The following SPAG16 variants were observed in gnomAD, a reference collection of about 807,000 sequenced individuals.
The protein encoded by SPAG16 is sperm-associated antigen 16 protein.
SPAG16 carries 86 observed loss-of-function variants against 80.4 expected under a neutral mutation model. That is an observed-to-expected ratio of 1.07 (90% confidence interval 0.90 to 1.28). SPAG16 has a LOEUF of 1.28. Among genes scored for constraint, SPAG16 ranks in the 50% most tolerant of loss-of-function variants. The pLI is 0.00. For missense variants in SPAG16, 870 were observed against 765.3 expected (o/e 1.14, Z -1.61); for synonymous variants, 294 against 265.9 (o/e 1.11, Z -1.03).
intron 9 of SPAG16, among the ~76,000 whole-genome samples, chr2:213,437,101 C>T (rs957823249): frequency 6.6e-6 from 1 of 152,068 alleles, no homozygotes; most frequent in African/African-American, 2.4e-5. Flanking sequence ...TTAGCAGAGA[C>T]AGGGTTTCAC....
intron 9 of SPAG16, among the ~76,000 whole-genome samples, chr2:213,389,860 G>A (rs182593537): frequency 7.9e-5 from 12 of 152,254 alleles, no homozygotes; most frequent in African/African-American, 2.2e-4. Context: ...ATTACCATAT[G>A]ATCTCACAGT....
intron 10 of SPAG16, among the ~76,000 whole-genome samples, chr2:213,794,515 C>T (rs1003382409): frequency 6.6e-6 from 1 of 151,906 alleles, no homozygotes; most frequent in African/African-American, 2.4e-5. Context: ...TTTCCTTTCC[C>T]TTATGTTGAT....
intron 15 of SPAG16, among the ~76,000 whole-genome samples, chr2:214,175,237 A>G (rs1486005053): frequency 1.1e-5 from 1 of 92,926 alleles, no homozygotes; most frequent in Non-Finnish European, 2.4e-5. Context: ...ATATATATAT[A>G]AAGAAATGTA....
intron 15 of SPAG16, among the ~76,000 whole-genome samples, chr2:214,267,443 A>G (rs1440555584): frequency 6.6e-6 from 1 of 151,810 alleles, no homozygotes; most frequent in Non-Finnish European, 1.5e-5. Flanking sequence ...GGATATTCAT[A>G]TACAGAAGAA....
At chr2:213,913,268 A>T (rs140415689) in intron 11 of SPAG16, among the ~76,000 whole-genome samples, 165 of 152,094 alleles carry the variant, frequency 1.1e-3, no homozygotes, top group African/African-American at 3.6e-3. Flanking sequence ...CCCACATATT[A>T]TTTATCCATG....
intron 12 of SPAG16, among the ~76,000 whole-genome samples, chr2:213,960,993 C>CA (rs1287475232): frequency 7.2e-5 from 11 of 152,134 alleles, no homozygotes; most frequent in African/African-American, 2.4e-4. Context: ...AAGCTACGGA[C>CA]AAGCTGCTCC....
intron 15 of SPAG16, among the ~76,000 whole-genome samples, chr2:214,247,066 C>A (rs190631247): frequency 1.1e-4 from 16 of 152,120 alleles, no homozygotes; most frequent in Non-Finnish European, 1.3e-4. Flanking sequence ...GAGTAAACCA[C>A]TTGTAAATTG....
At chr2:213,465,062 A>G (rs938165203) in intron 9 of SPAG16, among the ~76,000 whole-genome samples, 9 of 152,050 alleles carry the variant, frequency 5.9e-5, no homozygotes, top group African/African-American at 1.7e-4. Flanking sequence ...AATTTCATCT[A>G]TCTCCTTTTG....
At chr2:214,290,240 T>C (rs1263409562) in intron 15 of SPAG16, among the ~76,000 whole-genome samples, 1 of 152,188 alleles carries the variant, frequency 6.6e-6, no homozygotes, top group Non-Finnish European at 1.5e-5. Flanking sequence ...TGATCTTTTG[T>C]ATTTTGTTGG....
At chr2:213,866,504 G>T (rs909266998) in intron 11 of SPAG16, among the ~76,000 whole-genome samples, 15 of 152,152 alleles carry the variant, frequency 9.9e-5, no homozygotes, top group African/African-American at 3.4e-4. Flanking sequence ...CATAAATCTA[G>T]CAACTATACC....
At chr2:213,591,501 G>T (rs138920439) in intron 10 of SPAG16, among the ~76,000 whole-genome samples, 2 of 152,034 alleles carry the variant, frequency 1.3e-5, no homozygotes, top group Non-Finnish European at 2.9e-5. Context: ...ATAACTATTT[G>T]AAATCATTTT....
At chr2:213,516,970 A>G (rs977212413) in intron 10 of SPAG16, among the ~76,000 whole-genome samples, 2 of 152,204 alleles carry the variant, frequency 1.3e-5, no homozygotes, top group Non-Finnish European at 2.9e-5. Flanking sequence ...AGCCAATGCA[A>G]TCAAGTAAGA....
At chr2:214,197,176 T>A (rs1463785274) in intron 15 of SPAG16, among the ~76,000 whole-genome samples, 1 of 152,008 alleles carries the variant, frequency 6.6e-6, no homozygotes, top group Non-Finnish European at 1.5e-5. Context: ...ATAATGTAGG[T>A]CAGATATTGA....
rs186077780 is a variant in SPAG16 at position 213,816,654 on chromosome 2, G to A, written c.1071-45831G>A. 1.9e-3 allele frequency among the ~76,000 whole-genome samples: 291 copies of A among 152,080 alleles called. 1 individual carries two copies. Among genetic ancestry groups the A allele is most frequent in the African/African-American group, 6.8e-3 (282 of 41,512 alleles). ...TCCAGAACATATTTTATATCTTGGTGTGATAAAAAGATAGCCTTTACACAT... is the reference window on the plus strand; with the variant it reads ...TCCAGAACATATTTTATATCTTGGTATGATAAAAAGATAGCCTTTACACAT... On this transcript the variant is annotated intron_variant, in intron 10 of 15. Coordinates refer to ENST00000331683, the MANE Select transcript of SPAG16 (RefSeq NM_024532.5).
At chr2:213,591,758 T>C (rs1230899238) in intron 10 of SPAG16, among the ~76,000 whole-genome samples, 3 of 151,886 alleles carry the variant, frequency 2.0e-5, no homozygotes, top group Non-Finnish European at 2.9e-5. Flanking sequence ...AGAAGAAACA[T>C]GAGGAGTAAG....
intron 10 of SPAG16, among the ~76,000 whole-genome samples, chr2:213,849,909 C>T (rs964072798): frequency 6.6e-6 from 1 of 152,092 alleles, no homozygotes; most frequent in Non-Finnish European, 1.5e-5. Context: ...TTCTTTAGAA[C>T]ATAAATGTGT....
chr2:213,677,626 G>C (rs1022530270), intron 10 of SPAG16, among the ~76,000 whole-genome samples: 1 of 152,034 alleles, frequency 6.6e-6, no homozygotes, highest in Non-Finnish European at 1.5e-5. Context: ...AGCAAGTCCT[G>C]AGTGATCTAC....
chr2:214,274,072 T>A (rs1388413371), intron 15 of SPAG16, among the ~76,000 whole-genome samples: 6 of 152,200 alleles, frequency 3.9e-5, no homozygotes, highest in Non-Finnish European at 2.9e-5. Flanking sequence ...TGAATGGGAG[T>A]TCTCTCATGA....
intron 15 of SPAG16, among the ~76,000 whole-genome samples, chr2:214,355,864 TC>T (rs1698757418): frequency 6.6e-6 from 1 of 151,218 alleles, no homozygotes. Context: ...TGAGTTCATG[TC>T]CTTTGTAGGG....
Sources: gnomAD v4.1 joint callset for allele counts (sites outside exome capture counted in the v4.1 genomes callset) on GRCh38, gnomAD v4.1.1 for gene constraint, MANE v1.5 for transcripts, NCBI Gene and HGNC (gene_info 2026-07-23, HGNC 2026-07-21) for gene names.